CALCR: variants seen among roughly 807,000 people sequenced by gnomAD.
CALCR encodes the protein calcitonin receptor.
CALCR carries 47 observed loss-of-function variants against 59.5 expected under a neutral mutation model. The observed-to-expected ratio is 0.79, with a 90% confidence interval of 0.63 to 1.01. The LOEUF (loss-of-function observed/expected upper bound fraction) is 1.01. Among genes scored for constraint, CALCR ranks in the 50% least tolerant of loss-of-function variants. The pLI, the probability that CALCR is intolerant of heterozygous loss-of-function variation, is 0.00. For missense variants in CALCR, 566 were observed against 597.1 expected (o/e 0.95, Z 0.54); for synonymous variants, 213 against 211.3 (o/e 1.01, Z -0.07).
At chr7:93,539,468 G>A (rs899858467) in intron 2 of CALCR, among the ~76,000 whole-genome samples, 15 of 151,868 alleles carry the variant, frequency 9.9e-5, no homozygotes, top group Non-Finnish European at 1.5e-5. Flanking sequence ...ATCATTGTTG[G>A]TTGATGAATG....
intron 8 of CALCR, among the ~76,000 whole-genome samples, chr7:93,460,593 G>GTGTATATATATATATATA (rs1296016997): frequency 9.0e-5 from 8 of 89,356 alleles, no homozygotes; most frequent in African/African-American, 4.3e-4. Context: ...ATATATATAT[G>GTGTATATATATATATATA]TATATATATA....
rs1348949924 is a variant in CALCR at position 93,473,384 on chromosome 7, T to C, written c.317-897A>G. Among the ~76,000 whole-genome samples the C allele has an allele frequency of 2.6e-5, 4 of 151,900 alleles. No individual in the cohort carries two copies. The East Asian group carries it at 5.8e-4, about 22-fold the overall frequency. ...GGTCAGGAATCAAATCCGAGTCTAC[T>C]TGATTCCAAATCTATTGCAGAGCTA... is the stretch of plus-strand genomic sequence containing the variant. On this transcript the variant is annotated intron_variant, in intron 5 of 13. Coordinates refer to ENST00000426151, the MANE Select transcript of CALCR (RefSeq NM_001742.4).
intron 7 of CALCR, among the ~76,000 whole-genome samples, chr7:93,467,994 C>T (rs1178691912): frequency 6.6e-6 from 1 of 151,312 alleles, no homozygotes; most frequent in East Asian, 1.9e-4. Flanking sequence ...TGTGAACATA[C>T]TTGAGAAATC....
intron 2 of CALCR, among the ~76,000 whole-genome samples, chr7:93,570,105 T>C (rs1789967609): frequency 6.6e-6 from 1 of 152,136 alleles, no homozygotes; most frequent in Non-Finnish European, 1.5e-5. Flanking sequence ...TAAGGAGCTG[T>C]TGAGGTTTTC....
chr7:93,456,978 G>T (rs1800221707), intron 8 of CALCR, among the ~76,000 whole-genome samples: 1 of 152,154 alleles, frequency 6.6e-6, no homozygotes. Context: ...GTTTATTAAA[G>T]GTTACTAGGT....
At chr7:93,466,207 C>A (rs1160356799) in intron 7 of CALCR, among the ~76,000 whole-genome samples, 3 of 151,628 alleles carry the variant, frequency 2.0e-5, no homozygotes, top group African/African-American at 4.8e-5. Flanking sequence ...ACAGATGATC[C>A]CATTTAAGTG....
intron 8 of CALCR, among the ~76,000 whole-genome samples, chr7:93,452,661 T>C (rs1458998514): frequency 6.6e-6 from 1 of 152,016 alleles, no homozygotes; most frequent in Middle Eastern, 3.2e-3. Flanking sequence ...GGTTGTGATT[T>C]GGTGTGTTTA....
chr7:93,522,087 T>G (rs991851235), intron 2 of CALCR, among the ~76,000 whole-genome samples: 1 of 152,150 alleles, frequency 6.6e-6, no homozygotes, highest in Admixed American at 6.5e-5. Flanking sequence ...TATGTTTGCA[T>G]GAGTGTCTGA....
chr7:93,460,995 A>T, intron 7 of CALCR, 48 bp from the exon 8 acceptor site: 1 of 1,492,466 alleles, frequency 6.7e-7, no homozygotes, highest in Non-Finnish European at 9.0e-7. Flanking sequence ...AAAATGTTGG[A>T]GTACCTGGAA....
chr7:93,535,159 T>A (rs1220731011), intron 2 of CALCR, among the ~76,000 whole-genome samples: 2 of 151,698 alleles, frequency 1.3e-5, no homozygotes, highest in Non-Finnish European at 3.0e-5. Flanking sequence ...AAAATGAAAG[T>A]AAAACTCACT....
intron 9 of CALCR, among the ~76,000 whole-genome samples, chr7:93,440,773 C>T (rs73712889): frequency 0.024 from 3,586 of 152,002 alleles, 166 homozygotes; most frequent in African/African-American, 0.082. Flanking sequence ...AAAATTGTTA[C>T]CTATAGGCAC....
At position 93,426,178 on chromosome 7, in the gene CALCR, C is replaced by T. The variant is rs1799521400; in HGVS notation, c.*178G>A. ...GTGGGAGACTCCATTCCTAGACTGTCTCCCAAAGCAACAGTACCAAGAATA... is the reference window on the plus strand; with the variant it reads ...GTGGGAGACTCCATTCCTAGACTGTTTCCCAAAGCAACAGTACCAAGAATA... On this transcript the variant is annotated 3_prime_UTR_variant, in exon 14 of 14. Transcript: ENST00000426151. 3.6e-6 allele frequency: 2 copies of T among 561,644 alleles called. No homozygotes were observed. Among genetic ancestry groups the T allele is most frequent in the Non-Finnish European group, 6.3e-6 (2 of 317,110 alleles). 34.8% of individuals were successfully genotyped at this position (561,644 alleles called of 1,614,324 possible). A position where few individuals can be genotyped will look rare whatever the true frequency, so the allele number is the denominator to read the frequency against.
intron 13 of CALCR, among the ~76,000 whole-genome samples, chr7:93,429,932 TTG>T (rs1474020947): frequency 0.071 from 6,937 of 97,280 alleles, 274 homozygotes; most frequent in East Asian, 0.2. Context: ...TTTTGTTTGT[TTG>T]TTTTTTTGTT....
At chr7:93,450,296 T>C (rs1800083933) in intron 8 of CALCR, among the ~76,000 whole-genome samples, 1 of 152,024 alleles carries the variant, frequency 6.6e-6, no homozygotes. Flanking sequence ...ATACATTTGA[T>C]ATGAGGTATT....
intron 9 of CALCR, among the ~76,000 whole-genome samples, chr7:93,438,989 AT>A (rs890491114): frequency 1.3e-5 from 2 of 152,120 alleles, no homozygotes; most frequent in African/African-American, 4.8e-5. Context: ...TTTTAAATCA[AT>A]TTTTATTCTG....
intron 2 of CALCR, among the ~76,000 whole-genome samples, chr7:93,547,561 G>T (rs1004037089): frequency 2.0e-5 from 3 of 152,086 alleles, no homozygotes; most frequent in African/African-American, 7.2e-5. Context: ...TACTTAATTT[G>T]CTCCTCTGTT....
intron 2 of CALCR, among the ~76,000 whole-genome samples, chr7:93,498,677 T>C (rs1043377464): frequency 2.0e-5 from 3 of 151,686 alleles, no homozygotes; most frequent in East Asian, 3.9e-4. Flanking sequence ...AGCATGAAGA[T>C]ACTGGAATCA....
chr7:93,434,135 A>G, intron 13 of CALCR, 118 bp downstream of exon 13: 1 of 762,438 alleles, frequency 1.3e-6, no homozygotes. Context: ...TGCTAATCAC[A>G]AAACCCTATG....
intron 2 of CALCR, among the ~76,000 whole-genome samples, chr7:93,500,522 G>T (rs573800593): frequency 1.3e-5 from 2 of 152,088 alleles, no homozygotes; most frequent in South Asian, 4.1e-4. Context: ...CAATAAACCA[G>T]TCTGGGGTTC....
Sources: gnomAD v4.1 joint callset for allele counts (sites outside exome capture counted in the v4.1 genomes callset) on GRCh38, gnomAD v4.1.1 for gene constraint, MANE v1.5 for transcripts, NCBI Gene and HGNC (gene_info 2026-07-23, HGNC 2026-07-21) for gene names.